Variants in HRH1 observed in about 807,000 individuals in gnomAD.
The protein encoded by HRH1 is histamine H1 receptor.
In HRH1, 6 loss-of-function variants were observed where a neutral mutation model predicts 10.3. The observed-to-expected ratio is 0.58, with a 90% CI of 0.32 to 1.15. HRH1 has a LOEUF of 1.15. Ranked by LOEUF, HRH1 falls within the 50% of genes most tolerant of loss-of-function variation. The probability of loss-of-function intolerance (pLI) is 0.05; values close to 1 mark genes in which losing one functional copy is unlikely to be tolerated. For synonymous variants in HRH1, 242 were observed against 236.7 expected (o/e 1.02, Z -0.21); for missense variants, 514 against 615.3 (o/e 0.84, Z 1.74).
In HRH1 at chr3:11,261,558, C is replaced by T. The variant is rs115063631; in HGVS notation, c.*1057C>T. On this transcript the variant is annotated 3_prime_UTR_variant, in exon 2 of 2. Coordinates refer to ENST00000431010, the MANE Select transcript of HRH1 (RefSeq NM_001098212.2). ...AAAGGCAAAAATGTGCCCTTTTGGC[C>T]GGGCATGGTAGCTCAAGCCTATAAT... The T allele has an allele frequency of 6.6e-4, 111 of 167,128 alleles. No homozygotes were observed. Among genetic ancestry groups the T allele is most frequent in the Admixed American group, 4.2e-3 (64 of 15,282 alleles). 10.4% of individuals were successfully genotyped at this position (167,128 alleles called of 1,614,324 possible). A position where few individuals can be genotyped will look rare whatever the true frequency, so the allele number is the denominator to read the frequency against.
At chr3:11,201,053 T>C (rs1937886841) in intron 1 of HRH1, among the ~76,000 whole-genome samples, 1 of 152,232 alleles carries the variant, frequency 6.6e-6, no homozygotes, top group Non-Finnish European at 1.5e-5. Flanking sequence ...CTCAAAATGC[T>C]GTGTGCAGTT....
At chr3:11,219,869 A>C (rs1454920724) in intron 1 of HRH1, among the ~76,000 whole-genome samples, 1 of 151,872 alleles carries the variant, frequency 6.6e-6, no homozygotes, top group Admixed American at 6.6e-5. Flanking sequence ...CAAATCCTTT[A>C]ATGTTAGACC....
chr3:11,230,901 A>C (rs1005931473), intron 1 of HRH1, among the ~76,000 whole-genome samples: 1 of 152,200 alleles, frequency 6.6e-6, no homozygotes, highest in Non-Finnish European at 1.5e-5. Context: ...ATATTACAAA[A>C]CTGTAGTAAA....
chr3:11,199,252 G>A (rs1937803281), intron 1 of HRH1, among the ~76,000 whole-genome samples: 1 of 152,106 alleles, frequency 6.6e-6, no homozygotes, highest in South Asian at 2.1e-4. Flanking sequence ...GAGAGGTTAA[G>A]CAGCTTGCCT....
chr3:11,241,600 G>A (rs192997493), intron 1 of HRH1, among the ~76,000 whole-genome samples: 23 of 152,026 alleles, frequency 1.5e-4, no homozygotes, highest in Non-Finnish European at 2.9e-4. Context: ...TTGGCAGGCC[G>A]AGGCGGGTGG....
At chr3:11,205,727 T>C (rs1938097241) in intron 1 of HRH1, among the ~76,000 whole-genome samples, 1 of 151,714 alleles carries the variant, frequency 6.6e-6, no homozygotes, top group Admixed American at 6.6e-5. Flanking sequence ...AGCGGCACTA[T>C]CTCGGCTCAC....
chr3:11,144,434 G>GTATATATACCTATAT, intron 1 of HRH1, among the ~76,000 whole-genome samples: 1 of 150,504 alleles, frequency 6.6e-6, no homozygotes, highest in Non-Finnish European at 1.5e-5. Context: ...TATACATATA[G>GTATATATACCTATAT]ACATATAGAC....
At chr3:11,174,617 A>G (rs1013797969) in intron 1 of HRH1, among the ~76,000 whole-genome samples, 2 of 152,314 alleles carry the variant, frequency 1.3e-5, no homozygotes, top group Middle Eastern at 3.4e-3. Flanking sequence ...CAAATTCCCA[A>G]TCTCCACTCC....
intron 1 of HRH1, among the ~76,000 whole-genome samples, chr3:11,206,473 C>G (rs1040148001): frequency 2.0e-5 from 3 of 152,238 alleles, no homozygotes; most frequent in Non-Finnish European, 2.9e-5. Flanking sequence ...TTCCTCCCAG[C>G]ACTTGACTCC....
intron 1 of HRH1, among the ~76,000 whole-genome samples, chr3:11,229,806 G>C (rs1257395487): frequency 1.3e-5 from 2 of 152,034 alleles, no homozygotes; most frequent in African/African-American, 4.8e-5. Flanking sequence ...TTTCATACGT[G>C]GTAGTGAAAT....
upstream of HRH1, among the ~76,000 whole-genome samples, chr3:11,149,790 C>T (rs570565967): frequency 6.6e-6 from 1 of 152,334 alleles, no homozygotes; most frequent in Admixed American, 6.5e-5. Context: ...TGAACGTTCA[C>T]TAAAGCTCAA....
At position 11,250,157 on chromosome 3, in the gene HRH1, C is replaced by T. The variant is rs369690512; in HGVS notation, c.-35-8846C>T. ...TCCCGCGTTCACGCCATTCTCCTGC[C>T]TCAGCCTCCCGAGTAGCTGGGACTA... On this transcript the variant is annotated intron_variant, in intron 1 of 1. Coordinates refer to ENST00000431010, the MANE Select transcript of HRH1 (RefSeq NM_001098212.2). Among the ~76,000 whole-genome samples the T allele has an allele frequency of 1.6e-4, 24 of 149,434 alleles. 1 individual carries two copies. The South Asian group carries it at 5.1e-3, about 32-fold the overall frequency.
intron 1 of HRH1, among the ~76,000 whole-genome samples, chr3:11,148,423 G>C (rs1936511562): frequency 6.6e-6 from 1 of 152,130 alleles, no homozygotes; most frequent in South Asian, 2.1e-4. Flanking sequence ...ATGCAAGATA[G>C]AAGTGTCTTT....
At chr3:11,210,336 G>A (rs1057452065) in intron 1 of HRH1, among the ~76,000 whole-genome samples, 4 of 152,160 alleles carry the variant, frequency 2.6e-5, no homozygotes, top group Non-Finnish European at 5.9e-5. Flanking sequence ...CGAGGCTGCC[G>A]TGAACTATTG....
At chr3:11,153,709 C>G (rs776212975), upstream of HRH1, among the ~76,000 whole-genome samples, 1 of 152,110 alleles carries the variant, frequency 6.6e-6, no homozygotes, top group Non-Finnish European at 1.5e-5. Flanking sequence ...AATCCTCAAG[C>G]TCCCATTGCC....
At position 11,167,083 on chromosome 3, in the gene HRH1, T is replaced by C. The variant is rs375410502; in HGVS notation, c.-36+12529T>C. On this transcript the variant is annotated intron_variant, in intron 1 of 1. Coordinates refer to ENST00000431010, the MANE Select transcript of HRH1 (RefSeq NM_001098212.2). ...TGACATCTGCTGGTCCCCTGCATTC[T>C]CCAGGCCTGTGACATCTGCTGTTCC... Among the ~76,000 whole-genome samples the C allele has an allele frequency of 2.3e-4, 34 of 145,600 alleles. 2 individuals are homozygous for C. In the East Asian group the frequency reaches 7.3e-3, roughly 31 times the overall value.
chr3:11,185,768 G>A lies in HRH1; in HGVS notation c.-36+31214G>A, dbSNP rs139347811. On this transcript the variant is annotated intron_variant, in intron 1 of 1. Transcript: ENST00000431010. ...TGGTGATGGTGTTTGTAAACCCTGCGGTGTCGTGTTGGTGCACATGTGTGG... is the reference window on the plus strand; with the variant it reads ...TGGTGATGGTGTTTGTAAACCCTGCAGTGTCGTGTTGGTGCACATGTGTGG... Among the ~76,000 whole-genome samples the A allele has an allele frequency of 5.9e-3, 905 of 152,276 alleles. 8 individuals carry two copies. The highest frequency in any genetic ancestry group is 0.021 in the African/African-American group (865 of 41,542).
In HRH1 at chr3:11,261,284, T is replaced by G. The variant is rs200603258; in HGVS notation, c.*783T>G. On this transcript the variant is annotated 3_prime_UTR_variant, in exon 2 of 2. Coordinates refer to ENST00000431010, the MANE Select transcript of HRH1 (RefSeq NM_001098212.2). ...GAAAGAGAAATGAAATATTTTTGAA[T>G]GGTTGCACGTTAAAAATTAAAAGAA... The G allele has an allele frequency of 5.4e-5, 9 of 167,200 alleles. No homozygotes were observed. The highest frequency in any genetic ancestry group is 1.9e-4 in the African/African-American group (8 of 41,592). The allele number at this position is 167,200 out of a possible 1,614,324, so 10.4% of individuals were successfully genotyped here. A position where few individuals can be genotyped will look rare whatever the true frequency, so the allele number is the denominator to read the frequency against.
chr3:11,259,021 T>C lies in HRH1; in HGVS notation c.-17T>C, dbSNP rs901865. ...CTCCCAGGGAGTGAGCCATAACTGG[T>C]GGCTGCTCTTGCGCCAATGAGCCTC... is the stretch of plus-strand genomic sequence containing the variant. On this transcript the variant is annotated 5_prime_UTR_variant, in exon 2 of 2. Coordinates refer to ENST00000431010, the MANE Select transcript of HRH1 (RefSeq NM_001098212.2). The surrounding 1 kb of genome is among the most constrained non-coding windows in gnomAD (Gnocchi z 4.6). 1,297,512 of 1,562,594 alleles carry C rather than the reference T, an allele frequency of 0.83. 540,701 individuals are homozygous for C. Among genetic ancestry groups the C allele is most frequent in the East Asian group, 0.94 (41,748 of 44,454 alleles).
Sources: allele counts gnomAD v4.1 joint callset (sites outside exome capture counted in the v4.1 genomes callset), GRCh38; gene constraint gnomAD v4.1.1; non-coding constraint Gnocchi (gnomAD v3.1); transcripts MANE v1.5; gene names NCBI Gene and HGNC (gene_info 2026-07-23, HGNC 2026-07-21).